LRRC4C: variants seen among roughly 807,000 people sequenced by gnomAD.
The protein encoded by LRRC4C is leucine-rich repeat-containing protein 4C.
In LRRC4C, 5 loss-of-function variants were observed where a neutral mutation model predicts 33.6. The ratio of observed to expected loss-of-function variants is 0.15; its 90% CI spans 0.08 to 0.31. The LOEUF is 0.31. LRRC4C is among the 10% of genes least tolerant of loss of function. The pLI is 1.00. For missense variants in LRRC4C, 560 were observed against 796.7 expected (o/e 0.70, Z 3.58); for synonymous variants, 329 against 302.0 (o/e 1.09, Z -0.93).
intron 1 of LRRC4C, among the ~76,000 whole-genome samples, chr11:40,941,429 G>A (rs1958139551): frequency 6.6e-6 from 1 of 152,078 alleles, no homozygotes; most frequent in African/African-American, 2.4e-5. Context: ...TGCTCAAAGT[G>A]ATTAATCAAA....
chr11:40,175,214 G>A (rs1408137159), intron 5 of LRRC4C, among the ~76,000 whole-genome samples: 1 of 152,164 alleles, frequency 6.6e-6, no homozygotes, highest in Non-Finnish European at 1.5e-5. Flanking sequence ...ATAAAAGAAA[G>A]GACTTAATGT....
At chr11:40,776,959 T>C (rs1318099952) in intron 2 of LRRC4C, among the ~76,000 whole-genome samples, 1 of 152,226 alleles carries the variant, frequency 6.6e-6, no homozygotes, top group African/African-American at 2.4e-5. Context: ...AATTTTTTGA[T>C]ATCTGCCTTA....
At chr11:40,713,849 T>G (rs1946584300) in intron 2 of LRRC4C, among the ~76,000 whole-genome samples, 1 of 152,212 alleles carries the variant, frequency 6.6e-6, no homozygotes, top group Admixed American at 6.5e-5. Context: ...CCAAGATTGC[T>G]CTCAGTGATT....
chr11:40,484,953 T>C (rs1008075589), intron 3 of LRRC4C, among the ~76,000 whole-genome samples: 3 of 152,036 alleles, frequency 2.0e-5, no homozygotes, highest in African/African-American at 7.2e-5. Context: ...GTCAGAGAAA[T>C]GACATGCAAG....
chr11:40,183,864 G>A (rs1359039331), intron 5 of LRRC4C, among the ~76,000 whole-genome samples: 1 of 152,178 alleles, frequency 6.6e-6, no homozygotes, highest in Non-Finnish European at 1.5e-5. Context: ...TACTCTAAAG[G>A]GAGGCTGAAT....
intron 2 of LRRC4C, among the ~76,000 whole-genome samples, chr11:40,915,788 A>G (rs1435044162): frequency 1.8e-4 from 27 of 152,268 alleles, no homozygotes; most frequent in African/African-American, 4.8e-4. Context: ...AATTTTTGCA[A>G]TCTACTCATC....
intron 2 of LRRC4C, among the ~76,000 whole-genome samples, chr11:40,915,881 G>C (rs1465839492): frequency 6.6e-6 from 1 of 152,250 alleles, no homozygotes; most frequent in Admixed American, 6.5e-5. Context: ...CAAAAAGTGG[G>C]TGAAGGATAT....
chr11:40,565,276 G>A, intron 3 of LRRC4C, among the ~76,000 whole-genome samples: 1 of 150,268 alleles, frequency 6.7e-6, no homozygotes, highest in South Asian at 2.1e-4. Flanking sequence ...GCTGCTATCG[G>A]GGGCAGTGTG....
chr11:40,440,141 G>A (rs1025194677), intron 3 of LRRC4C, among the ~76,000 whole-genome samples: 1 of 152,120 alleles, frequency 6.6e-6, no homozygotes, highest in African/African-American at 2.4e-5. Context: ...AGTTACATGA[G>A]GGCAGGGAGC....
chr11:40,660,876 C>T (rs1215318116), intron 2 of LRRC4C, among the ~76,000 whole-genome samples: 8 of 152,128 alleles, frequency 5.3e-5, no homozygotes, highest in Admixed American at 5.2e-4. Flanking sequence ...AAGATGAAAT[C>T]TTTGCAAATT....
intron 1 of LRRC4C, among the ~76,000 whole-genome samples, chr11:41,278,198 A>G (rs951284324): frequency 6.6e-6 from 1 of 152,204 alleles, no homozygotes; most frequent in Non-Finnish European, 1.5e-5. Flanking sequence ...TGTTCTCACC[A>G]CAAGATCTAT....
intron 1 of LRRC4C, among the ~76,000 whole-genome samples, chr11:41,287,885 G>T (rs1949878660): frequency 6.6e-6 from 1 of 151,984 alleles, no homozygotes; most frequent in Non-Finnish European, 1.5e-5. Flanking sequence ...CTTATTAGTG[G>T]CTTCCATGTC....
At chr11:40,619,826 A>C (rs1167431029) in intron 3 of LRRC4C, among the ~76,000 whole-genome samples, 1 of 146,428 alleles carries the variant, frequency 6.8e-6, no homozygotes, top group Non-Finnish European at 1.5e-5. Flanking sequence ...CTTCTTCCAC[A>C]CATTTTCTCG....
chr11:40,970,538 A>T (rs1488534419), intron 1 of LRRC4C, among the ~76,000 whole-genome samples: 1 of 152,158 alleles, frequency 6.6e-6, no homozygotes, highest in Non-Finnish European at 1.5e-5. Flanking sequence ...TCTTCATAGT[A>T]ATGTGAGAAT....
intron 3 of LRRC4C, among the ~76,000 whole-genome samples, chr11:40,643,018 G>A (rs554149783): frequency 1.4e-3 from 215 of 152,248 alleles, no homozygotes; most frequent in Non-Finnish European, 1.3e-3. Context: ...AAATGCTTAA[G>A]AGGATCTTGA....
At chr11:40,599,575 C>G (rs1959761597) in intron 3 of LRRC4C, among the ~76,000 whole-genome samples, 1 of 152,058 alleles carries the variant, frequency 6.6e-6, no homozygotes, top group Non-Finnish European at 1.5e-5. Flanking sequence ...TATTTATTTA[C>G]TTGGTTTGTT....
intron 1 of LRRC4C, among the ~76,000 whole-genome samples, chr11:41,249,007 A>C (rs11036318): frequency 6.7e-6 from 1 of 150,366 alleles, no homozygotes; most frequent in African/African-American, 2.4e-5. Context: ...CACTATAGCC[A>C]CTGTTATCTC....
chr11:40,454,126 T>C (rs2165246), intron 3 of LRRC4C, among the ~76,000 whole-genome samples: 54,722 of 151,806 alleles, frequency 0.36, 10,387 homozygotes, highest in East Asian at 0.53. Context: ...GAGAATATTT[T>C]CCTAGTGTTT....
intron 1 of LRRC4C, among the ~76,000 whole-genome samples, chr11:41,334,640 C>T (rs1385733321): frequency 3.3e-5 from 5 of 151,722 alleles, no homozygotes; most frequent in East Asian, 1.9e-4. Flanking sequence ...GAAAACAGTC[C>T]GGGTAAAAAG....
Sources: gnomAD v4.1 joint callset for allele counts (sites outside exome capture counted in the v4.1 genomes callset) on GRCh38, gnomAD v4.1.1 for gene constraint, MANE v1.5 for transcripts, NCBI Gene and HGNC (gene_info 2026-07-23, HGNC 2026-07-21) for gene names.